SCNN1A: variants seen among roughly 807,000 people sequenced by gnomAD.
SCNN1A encodes the protein sodium channel epithelial 1 subunit alpha.
A neutral mutation model predicts 68.6 loss-of-function variants in SCNN1A; 65 were observed. That is an observed-to-expected ratio of 0.95 (90% CI 0.78 to 1.16). The LOEUF is 1.16. SCNN1A is among the 50% of genes most tolerant of loss of function. The pLI is 0.00. For synonymous variants in SCNN1A, 357 were observed against 353.3 expected (o/e 1.01, Z -0.12); for missense variants, 880 against 865.9 (o/e 1.02, Z -0.20).
rs898340729 is a variant in SCNN1A, at chr12:6,374,123, G to A, written c.416+245C>T. The stretch of plus-strand genomic sequence containing the variant: ...GGGAAGGAGAAGAGAGGGCAGGGGA[G>A]GGCAATGCTGCTCCAACAACCACAC... On this transcript the variant is annotated intron_variant, in intron 2 of 12. Coordinates refer to ENST00000228916, the MANE Select transcript of SCNN1A (RefSeq NM_001038.6). The surrounding 1 kb of genome is among the most constrained non-coding windows in gnomAD (Gnocchi z 6.2). 6.6e-6 allele frequency among the ~76,000 whole-genome samples: 1 copy of A among 152,228 alleles called. No homozygotes were observed. The highest frequency in any genetic ancestry group is 2.4e-5 in the African/African-American group (1 of 41,454).
At chr12:6,355,634 T>C (rs1342922508) in intron 5 of SCNN1A, 143 bp downstream of exon 5, 1 of 900,650 alleles carries the variant, frequency 1.1e-6, no homozygotes, top group Non-Finnish European at 1.8e-6. Flanking sequence ...ATTCCTCTCA[T>C]GCCTGGAACG....
In SCNN1A at chr12:6,351,579, A is replaced by G. The variant is rs1948387412; in HGVS notation, c.1361-2174T>C. Among the ~76,000 whole-genome samples, 1 of 151,516 alleles carries G rather than the reference A, an allele frequency of 6.6e-6. No homozygotes were observed. The highest frequency in any genetic ancestry group is 2.4e-5 in the African/African-American group (1 of 41,210). On this transcript the variant is annotated intron_variant, in intron 8 of 12. Coordinates refer to ENST00000228916, the MANE Select transcript of SCNN1A (RefSeq NM_001038.6). This position sits in a 1 kb window ranked among gnomAD's most constrained non-coding sequence, Gnocchi z 4.2. ...GAGGCAGAGGTAGCAGTGAGCCAAG[A>G]TCGCGCCACTGCACTCCAGTCTGGG...
intron 8 of SCNN1A, chr12:6,349,786 G>A (rs1304097325): frequency 4.4e-6 from 1 of 225,494 alleles, no homozygotes; most frequent in African/African-American, 2.3e-5. Flanking sequence ...GAGTGCAGTG[G>A]CGCAATCTTG....
In SCNN1A at chr12:6,374,324, T is replaced by A; in HGVS notation, c.416+44A>T. 1 of 1,605,176 alleles carries A rather than the reference T, an allele frequency of 6.2e-7. No homozygotes were observed. The highest frequency in any genetic ancestry group is 8.5e-7 in the Non-Finnish European group (1 of 1,174,246). On this transcript the variant is annotated intron_variant, in intron 2 of 12. Coordinates refer to ENST00000228916, the MANE Select transcript of SCNN1A (RefSeq NM_001038.6). The surrounding 1 kb of genome is among the most constrained non-coding windows in gnomAD (Gnocchi z 6.2). The stretch of plus-strand genomic sequence containing the variant: ...AGCACCTCAGCACCCTGGACCACCC[T>A]TCCAGGCGCAGGCACCAGGGAAGGG...
intron 4 of SCNN1A, among the ~76,000 whole-genome samples, chr12:6,356,797 G>A (rs3782721): frequency 0.12 from 19,019 of 152,160 alleles, 1,845 homozygotes; most frequent in East Asian, 0.35. Flanking sequence ...AGCTAGCGAC[G>A]GGAGCCAGGC....
At position 6,375,383 on chromosome 12, in the gene SCNN1A, C is replaced by T. The variant is rs1015863029; in HGVS notation, c.-55+122G>A. The T allele has an allele frequency of 2.0e-6, 3 of 1,481,390 alleles. No homozygotes were observed. The African/African-American group carries it at 4.2e-5, about 21-fold the overall frequency. The allele number at this position is 1,481,390 out of a possible 1,614,324, so 91.8% of individuals were successfully genotyped here. A position where few individuals can be genotyped will look rare whatever the true frequency, so the allele number is the denominator to read the frequency against. Reference sequence around the variant, plus strand: ...GCTGTGTCCTGATTCTGTCTCTGCCCCAGGACTGCAGGGCTCCAGGAGGTC... The same window carrying T: ...GCTGTGTCCTGATTCTGTCTCTGCCTCAGGACTGCAGGGCTCCAGGAGGTC... On this transcript the variant is annotated intron_variant, in intron 1 of 12. Transcript: ENST00000228916.
intron 2 of SCNN1A, among the ~76,000 whole-genome samples, chr12:6,365,408 A>G (rs1948659636): frequency 6.6e-6 from 1 of 152,254 alleles, no homozygotes; most frequent in Non-Finnish European, 1.5e-5. Flanking sequence ...AAAATTTTAG[A>G]AAAGAAGAGC....
chr12:6,369,882 T>C (rs1205336038), intron 2 of SCNN1A, among the ~76,000 whole-genome samples: 1 of 149,560 alleles, frequency 6.7e-6, no homozygotes, highest in Non-Finnish European at 1.5e-5. Context: ...CCCGTGATAC[T>C]AGAAATTCCT....
intron 2 of SCNN1A, among the ~76,000 whole-genome samples, chr12:6,369,655 AC>A (rs1441848909): frequency 1.3e-5 from 2 of 151,904 alleles, no homozygotes; most frequent in African/African-American, 4.8e-5. Context: ...ACACGGCGAA[AC>A]CCCGTCTCTA....
chr12:6,354,400 G>T, intron 8 of SCNN1A, 38 bp downstream of exon 8: 1 of 1,378,596 alleles, frequency 7.3e-7, no homozygotes, highest in Non-Finnish European at 1.0e-6. Flanking sequence ...TGAGTACTGG[G>T]GTCAGTGGGG....
chr12:6,374,362 A>G lies in SCNN1A; in HGVS notation c.416+6T>C, dbSNP rs373783114. 1.2e-6 allele frequency: 2 copies of G among 1,613,834 alleles called. No individual in the cohort carries two copies. The highest frequency in any genetic ancestry group is 1.7e-5 in the Admixed American group (1 of 59,984). On this transcript the variant is annotated splice_donor_region_variant and intron_variant, in intron 2 of 12. Transcript: ENST00000228916. This position sits in a 1 kb window ranked among gnomAD's most constrained non-coding sequence, Gnocchi z 6.2. ...CACCAGGGAAGGGGCAGAGGGACTA[A>G]CCGACCTGTAGGGATTGAGGGTGCA...
At chr12:6,373,849 G>A (rs1430882070) in intron 2 of SCNN1A, among the ~76,000 whole-genome samples, 2 of 152,052 alleles carry the variant, frequency 1.3e-5, no homozygotes, top group Non-Finnish European at 2.9e-5. Context: ...TAACCTCCAC[G>A]ATCCCCCTCT....
chr12:6,363,473 G>T lies in SCNN1A; in HGVS notation c.654C>A (p.Asp218Glu), dbSNP rs767902038. 232 of 1,603,598 alleles carry T rather than the reference G, an allele frequency of 1.4e-4. 1 individual carries two copies. Among genetic ancestry groups the T allele is most frequent in the Non-Finnish European group, 1.7e-4 (195 of 1,175,860 alleles). Residue 218 changes from aspartate to glutamate, a missense_variant, in exon 3 of 13, where the codon GAC becomes GAA. Coordinates refer to ENST00000228916, the MANE Select transcript of SCNN1A (RefSeq NM_001038.6). Reference protein sequence around the residue: ...SSLRDNNPQVDWKDWKIGFQL... With the variant: ...SSLRDNNPQVEWKDWKIGFQL... ...GGAAGCCGATCTTCCAGTCCTTCCA[G>T]TCCACCTGGGGGTTGTTGTCCCGCA... is the stretch of plus-strand genomic sequence containing the variant.
chr12:6,369,012 A>G (rs1409635298), intron 2 of SCNN1A, among the ~76,000 whole-genome samples: 2 of 152,142 alleles, frequency 1.3e-5, no homozygotes, highest in Non-Finnish European at 2.9e-5. Flanking sequence ...AGCCCAGGAA[A>G]GCGAATTTGC....
chr12:6,359,712 C>G (rs139509228), intron 4 of SCNN1A, among the ~76,000 whole-genome samples: 4 of 151,590 alleles, frequency 2.6e-5, no homozygotes, highest in Admixed American at 6.6e-5. Context: ...TCTGCAGAAC[C>G]CTGAGCCAAT....
At position 6,354,483 on chromosome 12, in the gene SCNN1A, G is replaced by T; in HGVS notation, c.1315C>A (p.Pro439Thr). The T allele has an allele frequency of 2.5e-6, 4 of 1,613,586 alleles. No individual in the cohort carries two copies. Among genetic ancestry groups the T allele is most frequent in the Non-Finnish European group, 2.5e-6 (3 of 1,179,960 alleles). The change falls in exon 8 of 13, where the codon CCC (proline) becomes ACC (threonine). Residue 439 changes from proline (P) to threonine (T), a missense_variant. Around this residue, in one of 3 missense-constraint regions of SCNN1A, gnomAD observed 758 missense variants for 721.8 expected, o/e 1.05. Transcript: ENST00000228916. ...CGCAYIFYPR[P>T]QNVEYCDYRK... The stretch of plus-strand genomic sequence containing the variant: ...TAGTCACAGTACTCCACGTTCTGGG[G>T]CCGCGGATAGAAGATGTAGGCACAG...
rs1422089362 is a variant in SCNN1A at position 6,362,102 on chromosome 12, A to G, written c.824T>C (p.Leu275Pro). Residue 275 changes from leucine to proline, a missense_variant, in exon 4 of 13, where the codon CTG becomes CCG. Leu to Pro is a moderately conservative substitution (Grantham distance 98). Around this residue, in one of 3 missense-constraint regions of SCNN1A, gnomAD observed 758 missense variants for 721.8 expected, o/e 1.05. Coordinates refer to ENST00000228916, the MANE Select transcript of SCNN1A (RefSeq NM_001038.6). ...GCGGCAGGCGAAGATGAAGTTGCCC[A>G]GCGTGTCCTCCTCCAGGGATGGCAG... ...ETLPSLEEDT[L>P]GNFIFACRFN... The G allele has an allele frequency of 1.9e-6, 3 of 1,614,196 alleles. No homozygotes were observed. The highest frequency in any genetic ancestry group is 2.5e-6 in the Non-Finnish European group (3 of 1,180,032).
intron 2 of SCNN1A, among the ~76,000 whole-genome samples, chr12:6,367,421 A>G (rs1179666397): frequency 2.0e-5 from 3 of 152,220 alleles, no homozygotes; most frequent in African/African-American, 7.2e-5. Flanking sequence ...CTCAACCAGA[A>G]TAGGCTCATC....
intron 8 of SCNN1A, 59 bp from the exon 9 acceptor site, chr12:6,349,464 C>T: frequency 8.1e-7 from 1 of 1,240,326 alleles, no homozygotes; most frequent in Non-Finnish European, 1.2e-6. Flanking sequence ...CTACCCCACA[C>T]CCAAGAGGTC....
Sources: allele counts gnomAD v4.1 joint callset (sites outside exome capture counted in the v4.1 genomes callset), GRCh38; gene constraint gnomAD v4.1.1; regional missense constraint gnomAD v4.1.1; non-coding constraint Gnocchi (gnomAD v3.1); transcripts MANE v1.5; gene names NCBI Gene and HGNC (gene_info 2026-07-23, HGNC 2026-07-21).